The following SUGCT variants were observed in gnomAD, a reference collection of about 807,000 sequenced individuals.
SUGCT encodes the protein succinyl-CoA:glutarate CoA-transferase.
SUGCT carries 41 observed loss-of-function variants against 55.0 expected under a neutral mutation model. The ratio of observed to expected loss-of-function variants is 0.74; its 90% confidence interval spans 0.58 to 0.97. The LOEUF (loss-of-function observed/expected upper bound fraction) is 0.97, where lower values mean the gene tolerates loss of function less well. SUGCT is among the 50% of genes least tolerant of loss of function. The probability of loss-of-function intolerance (pLI) is 0.00; values close to 1 mark genes in which losing one functional copy is unlikely to be tolerated. For missense variants in SUGCT, 568 were observed against 547.8 expected, an observed-to-expected ratio of 1.04 and a Z score of -0.37; for synonymous variants, 187 against 200.4, an observed-to-expected ratio of 0.93 and a Z score of 0.56.
intron 10 of SUGCT, among the ~76,000 whole-genome samples, chr7:40,449,806 C>CT (rs1259403016): frequency 6.6e-6 from 1 of 152,018 alleles, no homozygotes; most frequent in Non-Finnish European, 1.5e-5. Flanking sequence ...AATTTTAAAA[C>CT]TTTTTTTCAA....
In SUGCT at chr7:40,385,309, G is replaced by T. The variant is rs4421260; in HGVS notation, c.817-63978G>T. ...GGCTGAAATTCTATCAGTATGTATTGGCTAGGTGATCTTGTATAAGCAACT... is the reference window on the plus strand; with the variant it reads ...GGCTGAAATTCTATCAGTATGTATTTGCTAGGTGATCTTGTATAAGCAACT... On this transcript the variant is annotated intron_variant, in intron 9 of 13. Transcript: ENST00000335693. 2.4e-4 allele frequency among the ~76,000 whole-genome samples: 36 copies of T among 152,000 alleles called. No homozygotes were observed. In the South Asian group the frequency reaches 7.5e-3, roughly 32 times the overall value.
At chr7:40,335,388 T>C (rs1012626885) in intron 9 of SUGCT, among the ~76,000 whole-genome samples, 4 of 151,920 alleles carry the variant, frequency 2.6e-5, no homozygotes, top group Non-Finnish European at 5.9e-5. Context: ...GAGCATGGAA[T>C]GTTCTTCCAT....
At chr7:40,723,719 C>CT (rs2128687873) in intron 12 of SUGCT, among the ~76,000 whole-genome samples, 1 of 152,302 alleles carries the variant, frequency 6.6e-6, no homozygotes, top group Non-Finnish European at 1.5e-5. Context: ...AAAAGTATGA[C>CT]TTTCCAGGAA....
intron 12 of SUGCT, among the ~76,000 whole-genome samples, chr7:40,571,345 C>T (rs1796438340): frequency 6.6e-6 from 1 of 151,962 alleles, no homozygotes; most frequent in South Asian, 2.1e-4. Context: ...GATTATAGAT[C>T]ACTTATTCTG....
chr7:40,570,891 G>T (rs1488500311), intron 12 of SUGCT, among the ~76,000 whole-genome samples: 1 of 80,924 alleles, frequency 1.2e-5, no homozygotes. Flanking sequence ...TTGGAGCTTT[G>T]CTCTGTTGCC....
chr7:40,189,653 A>G, intron 5 of SUGCT, 59 bp downstream of exon 5: 2 of 964,874 alleles, frequency 2.1e-6, no homozygotes, highest in Non-Finnish European at 2.9e-6. Flanking sequence ...GGTTTGGAAT[A>G]TCAGAGCAAA....
At chr7:40,830,291 C>T (rs140218475) in intron 13 of SUGCT, among the ~76,000 whole-genome samples, 2 of 152,278 alleles carry the variant, frequency 1.3e-5, no homozygotes, top group East Asian at 1.9e-4. Context: ...GCTTGAGTAC[C>T]TAGAAGTTAG....
chr7:40,674,122 G>T lies in SUGCT; in HGVS notation c.1090-75312G>T, dbSNP rs140033279. ...GCTTAAACTAGGAGTCCATTCTTTG[G>T]TTTTTTCAAAGAACAGGTTTGTTAT... is the stretch of plus-strand genomic sequence containing the variant. On this transcript the variant is annotated intron_variant, in intron 12 of 13. Transcript: ENST00000335693. 9.9e-3 allele frequency among the ~76,000 whole-genome samples: 1,513 copies of T among 152,242 alleles called. 10 individuals carry two copies. The highest frequency in any genetic ancestry group is 0.016 in the Non-Finnish European group (1,121 of 68,014).
At chr7:40,888,330 A>G in the SUGCT span, among the ~76,000 whole-genome samples, 1 of 152,020 alleles carries the variant, frequency 6.6e-6, no homozygotes, top group Admixed American at 6.6e-5. Context: ...TTTCTACCAC[A>G]AAAGGTAGAG....
At chr7:40,234,648 T>TGCCCAATCTCAGCACTTCG (rs1788906925) in intron 6 of SUGCT, among the ~76,000 whole-genome samples, 1 of 152,146 alleles carries the variant, frequency 6.6e-6, no homozygotes, top group South Asian at 2.1e-4. Context: ...TGGTAGCTCA[T>TGCCCAATCTCAGCACTTCG]GCCCAATCTC....
intron 12 of SUGCT, among the ~76,000 whole-genome samples, chr7:40,565,916 T>G (rs1194615577): frequency 6.6e-6 from 1 of 151,886 alleles, no homozygotes; most frequent in Non-Finnish European, 1.5e-5. Context: ...TTTCTCTTGA[T>G]CACTCTCTTT....
At chr7:40,675,351 G>A (rs555567763) in intron 12 of SUGCT, among the ~76,000 whole-genome samples, 1 of 152,300 alleles carries the variant, frequency 6.6e-6, no homozygotes, top group South Asian at 2.1e-4. Context: ...GAGTCACCAC[G>A]CCTGACCAAT....
intron 9 of SUGCT, among the ~76,000 whole-genome samples, chr7:40,445,212 AG>A (rs1283428794): frequency 6.6e-6 from 1 of 152,072 alleles, no homozygotes; most frequent in African/African-American, 2.4e-5. Flanking sequence ...TTCAGGAGCT[AG>A]CTTTTTGAAA....
Position 40,188,532 on chromosome 7 carries a change from TG to T in SUGCT, c.265del (p.Val89LeufsTer28), listed in dbSNP as rs752118948. 6.7e-5 allele frequency: 108 copies of T among 1,610,864 alleles called. No homozygotes were observed. In the East Asian group the frequency reaches 2.3e-3, roughly 34 times the overall value. ...ATACACGAACTTGGGGGCCACCTTT[TG>T]TTGGGACAGAAAGTACATATTATCT... ...DDTRTWGPPF[V>X]GTESTYYLSV... On this transcript the variant is annotated frameshift_variant, in exon 4 of 14. Transcript: ENST00000335693. LOFTEE classifies it high-confidence loss of function.
At chr7:40,277,753 A>G (rs913185732) in intron 8 of SUGCT, among the ~76,000 whole-genome samples, 1 of 151,452 alleles carries the variant, frequency 6.6e-6, no homozygotes, top group African/African-American at 2.4e-5. Context: ...TTAGCTACAC[A>G]TGTATACATG....
At chr7:40,420,826 C>T (rs1787269402) in intron 9 of SUGCT, among the ~76,000 whole-genome samples, 1 of 152,078 alleles carries the variant, frequency 6.6e-6, no homozygotes, top group South Asian at 2.1e-4. Context: ...CATGCACACA[C>T]CCACACACTA....
chr7:40,806,588 T>C (rs1791105045), intron 13 of SUGCT, among the ~76,000 whole-genome samples: 1 of 152,288 alleles, frequency 6.6e-6, no homozygotes, highest in South Asian at 2.1e-4. Context: ...CTTCCCCCTT[T>C]TATTTGTTTT....
intron 12 of SUGCT, among the ~76,000 whole-genome samples, chr7:40,622,982 G>C (rs1799344140): frequency 6.6e-6 from 1 of 152,210 alleles, no homozygotes; most frequent in Non-Finnish European, 1.5e-5. Context: ...CAATTGATTG[G>C]AAACTTCAGG....
chr7:40,647,554 G>C (rs545818726), intron 12 of SUGCT, among the ~76,000 whole-genome samples: 2 of 152,236 alleles, frequency 1.3e-5, no homozygotes, highest in East Asian at 3.9e-4. Flanking sequence ...GAGACACGTA[G>C]AAGTTAGGCC....
Sources: allele counts gnomAD v4.1 joint callset (sites outside exome capture counted in the v4.1 genomes callset), GRCh38; gene constraint gnomAD v4.1.1; transcripts MANE v1.5; gene names NCBI Gene and HGNC (gene_info 2026-07-23, HGNC 2026-07-21).